The following MTM1 variants were observed in gnomAD, a reference collection of about 807,000 sequenced individuals.
The protein encoded by MTM1 is myotubularin.
A neutral mutation model predicts 52.1 loss-of-function variants in MTM1; 9 were observed. That is an observed-to-expected ratio of 0.17 (90% CI 0.10 to 0.30). The LOEUF (loss-of-function observed/expected upper bound fraction) is 0.30, where lower values mean the gene tolerates loss of function less well. MTM1 is among the 10% of genes least tolerant of loss of function. MTM1 has a pLI of 1.00. For synonymous variants in MTM1, 136 were observed against 163.8 expected, an observed-to-expected ratio of 0.83 and a Z score of 1.29; for missense variants, 277 against 470.7, an observed-to-expected ratio of 0.59 and a Z score of 3.81.
intron 2 of MTM1, 128 bp downstream of exon 2, chrX:150,592,805 T>C: frequency 2.1e-6 from 1 of 486,812 alleles, no homozygotes; most frequent in Non-Finnish European, 3.5e-6. Context: ...AATACATTTA[T>C]ACATGTGGTT....
Position 150,629,038 on chromosome X carries a change from T to G in MTM1, c.444+9899T>G, listed in dbSNP as rs144586425. The stretch of plus-strand genomic sequence containing the variant: ...TTCTGCCTCCCCAGCCTGACTTAAT[T>G]CATATCTTCATCTCCTCTCTTCTAA... On this transcript the variant is annotated intron_variant, in intron 6 of 14. Coordinates refer to ENST00000370396, the MANE Select transcript of MTM1 (RefSeq NM_000252.3). Among the ~76,000 whole-genome samples, 519 of 110,862 alleles carry G rather than the reference T, an allele frequency of 4.7e-3. 3 individuals carry two copies. The highest frequency in any genetic ancestry group is 0.015 in the African/African-American group (453 of 30,394).
At chrX:150,574,479 C>T (rs1406531657) in intron 1 of MTM1, among the ~76,000 whole-genome samples, 2 of 111,841 alleles carry the variant, frequency 1.8e-5, no homozygotes, top group Non-Finnish European at 3.8e-5. Context: ...GCTTCCCAGT[C>T]CTTTAAGATA....
intron 6 of MTM1, among the ~76,000 whole-genome samples, chrX:150,628,497 G>A (rs2039608175): frequency 9.0e-6 from 1 of 110,792 alleles, no homozygotes; most frequent in Admixed American, 9.6e-5. Flanking sequence ...TCATGTCCAC[G>A]AACAGTGCCT....
chrX:150,654,199 G>T (rs782470195), intron 10 of MTM1, among the ~76,000 whole-genome samples: 44 of 112,129 alleles, frequency 3.9e-4, no homozygotes, highest in Admixed American at 1.0e-3. Flanking sequence ...AGAAGTGATC[G>T]TGGGAATTAA....
chrX:150,664,654 G>T (rs1450555148), intron 14 of MTM1, among the ~76,000 whole-genome samples: 1 of 112,893 alleles, frequency 8.9e-6, no homozygotes, highest in African/African-American at 3.2e-5. Flanking sequence ...CACATGGGAG[G>T]AATTTATTTA....
At chrX:150,612,012 A>G (rs1455334936) in intron 4 of MTM1, among the ~76,000 whole-genome samples, 2 of 111,520 alleles carry the variant, frequency 1.8e-5, no homozygotes, top group Non-Finnish European at 1.9e-5. Context: ...CCTGGGCCAC[A>G]TGGTGAAACC....
intron 6 of MTM1, among the ~76,000 whole-genome samples, chrX:150,627,903 T>G (rs2039597373): frequency 8.9e-6 from 1 of 112,081 alleles, no homozygotes; most frequent in Non-Finnish European, 1.9e-5. Flanking sequence ...CCATCCAAGT[T>G]TTGTGAGTTT....
At chrX:150,659,913 G>C (rs1048488923) in intron 12 of MTM1, among the ~76,000 whole-genome samples, 157 bp downstream of exon 12, 3 of 111,902 alleles carry the variant, frequency 2.7e-5, no homozygotes, top group Non-Finnish European at 5.6e-5. Flanking sequence ...AGGTACATGA[G>C]CGTTCACCTT....
At chrX:150,609,432 G>A (rs1427774569) in intron 4 of MTM1, among the ~76,000 whole-genome samples, 1 of 111,270 alleles carries the variant, frequency 9.0e-6, no homozygotes, top group Admixed American at 9.5e-5. Flanking sequence ...TCTAGCTTTC[G>A]TAACCAGCCA....
intron 14 of MTM1, among the ~76,000 whole-genome samples, chrX:150,670,355 A>G (rs1456501473): frequency 8.9e-6 from 1 of 112,135 alleles, no homozygotes; most frequent in South Asian, 3.7e-4. Flanking sequence ...CACTCACACA[A>G]TGCCATGTGA....
In MTM1 at chrX:150,671,711, ATAATCT is replaced by A; in HGVS notation, c.*120_*125del. 1 of 821,708 alleles carries A rather than the reference ATAATCT, an allele frequency of 1.2e-6. No individual in the cohort carries two copies. The highest frequency in any genetic ancestry group is 1.8e-6 in the Non-Finnish European group (1 of 567,741). The allele number at this position is 821,708 out of a possible 1,213,427, so 67.7% of individuals were successfully genotyped here. On this transcript the variant is annotated 3_prime_UTR_variant, in exon 15 of 15. Transcript: ENST00000370396. The stretch of plus-strand genomic sequence containing the variant: ...GCCTCCATGTAGAACTTGAACTAAC[ATAATCT>A]TAAACTCTTGAATATGTGCCTTCTA...
intron 3 of MTM1, 181 bp downstream of exon 3, chrX:150,596,751 C>T: frequency 7.1e-6 from 3 of 423,804 alleles, no homozygotes; most frequent in Non-Finnish European, 1.3e-5. Context: ...TTGAGAGCTT[C>T]ATGCTCACAA....
chrX:150,594,610 T>G (rs1303549439), intron 2 of MTM1, among the ~76,000 whole-genome samples: 1 of 112,138 alleles, frequency 8.9e-6, no homozygotes, highest in African/African-American at 3.2e-5. Context: ...ATTATATGTT[T>G]TTATTGTATT....
intron 4 of MTM1, among the ~76,000 whole-genome samples, chrX:150,611,284 A>G (rs1461444206): frequency 1.8e-5 from 2 of 112,055 alleles, no homozygotes; most frequent in African/African-American, 6.5e-5. Context: ...ATTGTTTTCT[A>G]GCTACTGGCA....
intron 2 of MTM1, among the ~76,000 whole-genome samples, chrX:150,593,967 A>G (rs1040622595): frequency 1.8e-5 from 2 of 110,824 alleles, no homozygotes; most frequent in Non-Finnish European, 3.8e-5. Context: ...TCCTGTCTCA[A>G]ATAAGTAAAT....
chrX:150,572,256 C>T (rs1569565273), intron 1 of MTM1, among the ~76,000 whole-genome samples: 1 of 111,884 alleles, frequency 8.9e-6, no homozygotes, highest in Non-Finnish European at 1.9e-5. Flanking sequence ...TAAAACCTGC[C>T]CTGCCAAGTT....
At chrX:150,617,618 T>C (rs1184746576) in intron 5 of MTM1, among the ~76,000 whole-genome samples, 1 of 112,510 alleles carries the variant, frequency 8.9e-6, no homozygotes, top group Non-Finnish European at 1.9e-5. Flanking sequence ...TCTCAGACTT[T>C]AGTTCTTCAT....
In MTM1 at chrX:150,671,649, C is replaced by G. The variant is rs1430354469; in HGVS notation, c.*54C>G. 3 of 1,137,496 alleles carry G rather than the reference C, an allele frequency of 2.6e-6. No individual in the cohort carries two copies. The highest frequency in any genetic ancestry group is 1.8e-5 in the African/African-American group (1 of 55,590). The allele number at this position is 1,137,496 out of a possible 1,213,427, so 93.7% of individuals were successfully genotyped here. On this transcript the variant is annotated 3_prime_UTR_variant, in exon 15 of 15. Coordinates refer to ENST00000370396, the MANE Select transcript of MTM1 (RefSeq NM_000252.3). ...CGAAATAAAGGCGATAGCTGACTTT[C>G]ATTTGGGGCATTTGTAAAAAGTAGA...
chrX:150,632,587 G>C (rs1410886897), intron 6 of MTM1, among the ~76,000 whole-genome samples: 1 of 111,678 alleles, frequency 9.0e-6, no homozygotes, highest in Non-Finnish European at 1.9e-5. Context: ...GGGAGTGGAG[G>C]AGAGAGGAAG....
Sources: allele counts gnomAD v4.1 joint callset (sites outside exome capture counted in the v4.1 genomes callset), GRCh38; gene constraint gnomAD v4.1.1; transcripts MANE v1.5; gene names NCBI Gene and HGNC (gene_info 2026-07-23, HGNC 2026-07-21).